MILR1: variants seen among roughly 807,000 people sequenced by gnomAD.
The protein encoded by MILR1 is mast cell immunoglobulin like receptor 1.
Under a neutral mutation model 18.5 loss-of-function variants are expected in MILR1, and 31 were observed. That is an observed-to-expected ratio of 1.68 (90% CI 1.26 to 2.26). MILR1 has a LOEUF of 2.26. Among genes scored for constraint, MILR1 ranks in the 30% most tolerant of loss-of-function variants. The pLI, the probability that MILR1 is intolerant of heterozygous loss-of-function variation, is 0.00. For missense variants in MILR1, 257 were observed against 157.4 expected, an observed-to-expected ratio of 1.63 and a Z score of -3.38; for synonymous variants, 85 against 56.2, an observed-to-expected ratio of 1.51 and a Z score of -2.30.
the MILR1 span, among the ~76,000 whole-genome samples, chr17:64,489,937 T>TA: frequency 6.6e-6 from 1 of 152,064 alleles, no homozygotes; most frequent in African/African-American, 2.4e-5. Context: ...TTTTGTTTTT[T>TA]TTTTTTGAGA....
At chr17:64,495,032 G>C in the MILR1 span, among the ~76,000 whole-genome samples, 2 of 152,088 alleles carry the variant, frequency 1.3e-5, no homozygotes, top group Non-Finnish European at 2.9e-5. Flanking sequence ...AATTAGCCAG[G>C]CGTGGTGGCA....
the MILR1 span, chr17:64,492,749 G>A: frequency 5.6e-6 from 9 of 1,612,444 alleles, no homozygotes; most frequent in African/African-American, 4.0e-5. Flanking sequence ...CCATACTAAC[G>A]AAGCTTCAGT....
the MILR1 span, chr17:64,481,202 T>C: frequency 1.2e-6 from 1 of 839,160 alleles, no homozygotes; most frequent in East Asian, 1.2e-4. Flanking sequence ...TACAGCATCC[T>C]AGGAGCTTCC....
chr17:64,494,527 T>C, the MILR1 span, among the ~76,000 whole-genome samples: 1 of 152,204 alleles, frequency 6.6e-6, no homozygotes, highest in Admixed American at 6.5e-5. Context: ...TATCTTTCCT[T>C]CTACATTTAT....
the MILR1 span, among the ~76,000 whole-genome samples, chr17:64,488,927 AGAGTGAG>A: frequency 6.6e-6 from 1 of 152,164 alleles, no homozygotes; most frequent in Non-Finnish European, 1.5e-5. Flanking sequence ...CCTGGGCAAC[AGAGTGAG>A]ATGCTGTCTC....
chr17:64,488,353 A>G, the MILR1 span, among the ~76,000 whole-genome samples: 1 of 152,240 alleles, frequency 6.6e-6, no homozygotes, highest in South Asian at 2.1e-4. Context: ...AATGTCATGG[A>G]AGAGAAAAAT....
intron 3 of MILR1, among the ~76,000 whole-genome samples, chr17:64,455,242 A>T (rs1168699584): frequency 6.6e-6 from 1 of 152,124 alleles, no homozygotes; most frequent in African/African-American, 2.4e-5. Flanking sequence ...GGGTAATTAC[A>T]CAGTCTGGTA....
intron 4 of MILR1, 146 bp from the exon 5 acceptor site, chr17:64,460,676 G>T: frequency 2.7e-6 from 1 of 375,846 alleles, no homozygotes. Flanking sequence ...AGTCCCGTGA[G>T]TTTTAGATGT....
the MILR1 span, among the ~76,000 whole-genome samples, chr17:64,484,851 A>G: frequency 2.0e-5 from 3 of 152,142 alleles, no homozygotes; most frequent in African/African-American, 7.2e-5. Context: ...ATGGTTCCCA[A>G]TCCCAGCTGA....
At chr17:64,478,085 G>A in the MILR1 span, 1 of 1,302,806 alleles carries the variant, frequency 7.7e-7, no homozygotes, top group Middle Eastern at 2.1e-4. Context: ...GCACTCTCAA[G>A]AGTCACAGAC....
At chr17:64,462,293 G>A (rs1308270596) in intron 5 of MILR1, among the ~76,000 whole-genome samples, 2 of 152,062 alleles carry the variant, frequency 1.3e-5, no homozygotes, top group Non-Finnish European at 2.9e-5. Context: ...GCCTCCCACA[G>A]TGTTGGGATT....
chr17:64,496,746 T>C, the MILR1 span: 1 of 1,614,000 alleles, frequency 6.2e-7, no homozygotes, highest in Non-Finnish European at 8.5e-7. Context: ...AAATGCCTTC[T>C]CTGACAGATC....
chr17:64,457,427 T>G lies in MILR1; in HGVS notation c.395T>G (p.Ile132Ser). 1 of 475,374 alleles carries G rather than the reference T, an allele frequency of 2.1e-6. No individual in the cohort carries two copies. Among genetic ancestry groups the G allele is most frequent in the Non-Finnish European group, 3.9e-6 (1 of 259,038 alleles). 29.4% of individuals were successfully genotyped at this position (475,374 alleles called of 1,614,324 possible). The change falls in exon 4 of 10, where the codon ATT (isoleucine) becomes AGT (serine). Residue 132 changes from isoleucine (I) to serine (S), a missense_variant. Transcript: ENST00000619286. ...VDPVTSPVLN[I>S]MVIQTETDRH... The stretch of plus-strand genomic sequence containing the variant: ...CCGGTGACTTCCCCAGTGCTGAACA[T>G]TATGGTCATTCAAACAGAAACAGAC...
intron 5 of MILR1, among the ~76,000 whole-genome samples, chr17:64,461,350 C>A (rs2037428579): frequency 6.6e-6 from 1 of 152,058 alleles, no homozygotes; most frequent in African/African-American, 2.4e-5. Flanking sequence ...TGGGTTCAAG[C>A]AATTCTCCTG....
intron 3 of MILR1, among the ~76,000 whole-genome samples, chr17:64,454,960 C>G (rs1452202015): frequency 6.6e-6 from 1 of 152,080 alleles, no homozygotes; most frequent in Admixed American, 6.5e-5. Context: ...GTGATTGCAC[C>G]ACTGCACTGC....
At chr17:64,475,899 T>C in the MILR1 span, among the ~76,000 whole-genome samples, 1 of 146,230 alleles carries the variant, frequency 6.8e-6, no homozygotes, top group East Asian at 2.2e-4. Flanking sequence ...CTGCAACCTC[T>C]GCCTCCTGGG....
chr17:64,496,735 G>C, the MILR1 span: 1 of 1,613,992 alleles, frequency 6.2e-7, no homozygotes, highest in Non-Finnish European at 8.5e-7. Context: ...TTCCACTTAG[G>C]AAATGCCTTC....
the MILR1 span, among the ~76,000 whole-genome samples, chr17:64,482,330 T>C: frequency 1.8e-4 from 27 of 150,178 alleles, 1 homozygote; most frequent in South Asian, 5.5e-3. Context: ...TTAAAAACTT[T>C]TTTTTTTTTT....
chr17:64,493,477 T>C, the MILR1 span, among the ~76,000 whole-genome samples: 1 of 151,984 alleles, frequency 6.6e-6, no homozygotes, highest in African/African-American at 2.4e-5. Context: ...CCTGAGTTTT[T>C]AGTTTGAAGA....
Sources: gnomAD v4.1 joint callset for allele counts (sites outside exome capture counted in the v4.1 genomes callset) on GRCh38, gnomAD v4.1.1 for gene constraint, MANE v1.5 for transcripts, NCBI Gene and HGNC (gene_info 2026-07-23, HGNC 2026-07-21) for gene names.